ARHGEF18: variants seen among roughly 807,000 people sequenced by gnomAD.
ARHGEF18 encodes Rho/Rac guanine nucleotide exchange factor 18, also known as rho guanine nucleotide exchange factor 18.
A neutral mutation model predicts 155.7 loss-of-function variants in ARHGEF18; 93 were observed. The observed-to-expected ratio is 0.60, with a 90% CI of 0.50 to 0.71. ARHGEF18 has a LOEUF of 0.71. ARHGEF18 is among the 30% of genes least tolerant of loss of function. The probability of loss-of-function intolerance (pLI) is 0.00; values close to 1 mark genes in which losing one functional copy is unlikely to be tolerated. For missense variants in ARHGEF18, 1,593 were observed against 1,816.1 expected, an observed-to-expected ratio of 0.88 and a Z score of 2.23; for synonymous variants, 742 against 753.1, an observed-to-expected ratio of 0.99 and a Z score of 0.24.
chr19:7,377,402 T>A (rs143385531), intron 5 of ARHGEF18, among the ~76,000 whole-genome samples: 46 of 152,254 alleles, frequency 3.0e-4, no homozygotes, highest in Non-Finnish European at 6.2e-4. Flanking sequence ...TTTCTTTATC[T>A]CTGAATTTTT....
intron 10 of ARHGEF18, among the ~76,000 whole-genome samples, chr19:7,388,411 G>C (rs73923388): frequency 6.6e-6 from 1 of 151,592 alleles, no homozygotes; most frequent in African/African-American, 2.4e-5. Context: ...GCTCTAAACC[G>C]ATTTCCTCAT....
intron 16 of ARHGEF18, among the ~76,000 whole-genome samples, chr19:7,453,236 G>A (rs62109837): frequency 2.0e-5 from 3 of 148,260 alleles, no homozygotes; most frequent in East Asian, 2.0e-4. Flanking sequence ...AAACTCTGAC[G>A]TGTTGCATTT....
intron 27 of ARHGEF18, among the ~76,000 whole-genome samples, chr19:7,469,484 T>C (rs1356935281): frequency 1.3e-5 from 2 of 152,122 alleles, no homozygotes; most frequent in Admixed American, 1.3e-4. Context: ...ATTGTCCCAG[T>C]TCCACAGAGC....
intron 10 of ARHGEF18, among the ~76,000 whole-genome samples, chr19:7,432,675 T>C (rs1974032216): frequency 6.6e-6 from 1 of 152,166 alleles, no homozygotes; most frequent in African/African-American, 2.4e-5. Context: ...TGCAGAAAAC[T>C]GGAGACTTAT....
At position 7,472,091 on chromosome 19, in the gene ARHGEF18, T is replaced by C. The variant is rs998385796; in HGVS notation, c.*1793T>C. The C allele has an allele frequency of 6.6e-6, 1 of 152,416 alleles. No individual in the cohort carries two copies. Among genetic ancestry groups the C allele is most frequent in the African/African-American group, 2.4e-5 (1 of 41,452 alleles). The allele number at this position is 152,416 out of a possible 1,614,324, so 9.4% of individuals were successfully genotyped here. On this transcript the variant is annotated 3_prime_UTR_variant, in exon 29 of 29. Coordinates refer to ENST00000668164, the MANE Select transcript of ARHGEF18 (RefSeq NM_001367823.1). ...ACCCTCCTGAGCCGGCGTGTGCCGG[T>C]CCAGCCCTCCGAGATGCCACAATTC...
At chr19:7,353,704 G>A (rs1969211694) in intron 1 of ARHGEF18, among the ~76,000 whole-genome samples, 1 of 151,810 alleles carries the variant, frequency 6.6e-6, no homozygotes, top group Non-Finnish European at 1.5e-5. Flanking sequence ...TGTAATCCCA[G>A]TACTTTCGGA....
chr19:7,436,102 G>A (rs534214930), intron 10 of ARHGEF18, among the ~76,000 whole-genome samples: 2 of 152,016 alleles, frequency 1.3e-5, no homozygotes, highest in East Asian at 3.9e-4. Context: ...GAAAACTTCA[G>A]TGTCTTCTAA....
intron 10 of ARHGEF18, among the ~76,000 whole-genome samples, chr19:7,435,922 C>T (rs987573370): frequency 6.6e-6 from 1 of 152,072 alleles, no homozygotes; most frequent in Admixed American, 6.6e-5. Context: ...CAGCCCTGAA[C>T]CCCAGGGCTC....
intron 10 of ARHGEF18, among the ~76,000 whole-genome samples, chr19:7,407,835 G>A (rs985500056): frequency 3.3e-5 from 5 of 151,728 alleles, no homozygotes; most frequent in Non-Finnish European, 7.4e-5. Flanking sequence ...TGGTGGCCGC[G>A]CCTGGAGTCC....
chr19:7,393,510 T>C (rs904625715), intron 10 of ARHGEF18, among the ~76,000 whole-genome samples: 2 of 152,118 alleles, frequency 1.3e-5, no homozygotes, highest in Non-Finnish European at 1.5e-5. Flanking sequence ...TGCCTGGCCA[T>C]GGGGAGATCT....
At chr19:7,375,607 C>T (rs1970425266) in intron 3 of ARHGEF18, 113 bp from the exon 4 acceptor site, 2 of 1,101,482 alleles carry the variant, frequency 1.8e-6, no homozygotes, top group Non-Finnish European at 2.3e-6. Flanking sequence ...GCGCACCCTT[C>T]CTTGTCCTGG....
downstream of ARHGEF18, among the ~76,000 whole-genome samples, chr19:7,473,675 T>A (rs1568375093): frequency 6.6e-6 from 1 of 151,968 alleles, no homozygotes; most frequent in Non-Finnish European, 1.5e-5. Flanking sequence ...CCGGGCGTGG[T>A]GGCGGGCGCC....
chr19:7,453,726 G>T lies in ARHGEF18; in HGVS notation c.2104+11G>T. 6.5e-7 allele frequency: 1 copy of T among 1,533,944 alleles called. No individual in the cohort carries two copies. Among genetic ancestry groups the T allele is most frequent in the Non-Finnish European group, 8.8e-7 (1 of 1,139,026 alleles). Reference sequence around the variant, plus strand: ...CAGGGCGCTTGAAAGGTAAAGGCCTGCCCCTGCCCACCTCTAGTGGGTGCC... The same window carrying T: ...CAGGGCGCTTGAAAGGTAAAGGCCTTCCCCTGCCCACCTCTAGTGGGTGCC... On this transcript the variant is annotated intron_variant, in intron 17 of 28. Coordinates refer to ENST00000668164, the MANE Select transcript of ARHGEF18 (RefSeq NM_001367823.1).
At chr19:7,473,062 C>A (rs752118652), downstream of ARHGEF18, 1 of 456,262 alleles carries the variant, frequency 2.2e-6, no homozygotes, top group African/African-American at 2.0e-5. Context: ...GGCGCCTCCA[C>A]GAAAATCTTT....
chr19:7,375,883 T>C lies in ARHGEF18; in HGVS notation c.426+13T>C. On this transcript the variant is annotated intron_variant, in intron 4 of 28. Transcript: ENST00000668164. ...GAGCCCAGGCAAGGTGGGTATAACC[T>C]GCAGCCACCCCTGACAATAGCACAC... is the stretch of plus-strand genomic sequence containing the variant. 8.1e-7 allele frequency: 1 copy of C among 1,234,412 alleles called. No individual in the cohort carries two copies. The highest frequency in any genetic ancestry group is 3.2e-5 in the East Asian group (1 of 31,704). 76.5% of individuals were successfully genotyped at this position (1,234,412 alleles called of 1,614,324 possible).
chr19:7,451,340 A>C, intron 16 of ARHGEF18, 74 bp downstream of exon 16: 1 of 1,244,382 alleles, frequency 8.0e-7, no homozygotes, highest in Non-Finnish European at 1.1e-6. Context: ...CCCACTCCCT[A>C]TTTGAGCAGC....
intron 10 of ARHGEF18, among the ~76,000 whole-genome samples, chr19:7,402,409 ACT>A (rs1390210889): frequency 6.6e-6 from 1 of 152,142 alleles, no homozygotes; most frequent in East Asian, 1.9e-4. Flanking sequence ...ACTGAGCGAG[ACT>A]CTGTCTCAAA....
At position 7,362,824 on chromosome 19, in the gene ARHGEF18, T is replaced by G; in HGVS notation, c.-67T>G. On this transcript the variant is annotated 5_prime_UTR_variant, in exon 2 of 29. Coordinates refer to ENST00000668164, the MANE Select transcript of ARHGEF18 (RefSeq NM_001367823.1). Reference sequence around the variant, plus strand: ...GTGTCCAGCCTTTTGACTCTGGAGCTGTGGCTTCAGCCACCAAGAGCAGCA... The same window carrying G: ...GTGTCCAGCCTTTTGACTCTGGAGCGGTGGCTTCAGCCACCAAGAGCAGCA... The G allele has an allele frequency of 8.1e-7, 1 of 1,234,342 alleles. No individual in the cohort carries two copies. Among genetic ancestry groups the G allele is most frequent in the Non-Finnish European group, 1.0e-6 (1 of 988,152 alleles). The allele number at this position is 1,234,342 out of a possible 1,614,324, so 76.5% of individuals were successfully genotyped here. A position where few individuals can be genotyped will look rare whatever the true frequency, so the allele number is the denominator to read the frequency against.
rs747614078 is a variant in ARHGEF18 at position 7,463,922 on chromosome 19, G to A, written c.2740G>A (p.Ala914Thr). 11 of 1,595,258 alleles carry A rather than the reference G, an allele frequency of 6.9e-6. No individual in the cohort carries two copies. Among genetic ancestry groups the A allele is most frequent in the South Asian group, 1.1e-5 (1 of 88,118 alleles). Reference sequence around the variant, plus strand: ...CCCGCCCAGGAGGGCTGAGACCTTCGCGGGCTACGACTGCACAAACAGCCC... The same window carrying A: ...CCCGCCCAGGAGGGCTGAGACCTTCACGGGCTACGACTGCACAAACAGCCC... ...TGPPRRAETF[A>T]GYDCTNSPTK... Residue 914 changes from alanine (A) to threonine (T), a missense_variant, in exon 22 of 29, where the codon GCG becomes ACG. Coordinates refer to ENST00000668164, the MANE Select transcript of ARHGEF18 (RefSeq NM_001367823.1). This position sits in a 1 kb window ranked among gnomAD's most constrained non-coding sequence, Gnocchi z 5.2.
Sources: gnomAD v4.1 joint callset for allele counts (sites outside exome capture counted in the v4.1 genomes callset) on GRCh38, gnomAD v4.1.1 for gene constraint, Gnocchi (gnomAD v3.1) non-coding constraint, MANE v1.5 for transcripts, NCBI Gene and HGNC (gene_info 2026-07-23, HGNC 2026-07-21) for gene names.